The following ISLR2 variants were observed in gnomAD, a reference collection of about 807,000 sequenced individuals.
ISLR2 encodes immunoglobulin superfamily containing leucine rich repeat 2, also known as immunoglobulin superfamily containing leucine-rich repeat protein 2.
A neutral mutation model predicts 25.5 loss-of-function variants in ISLR2; 16 were observed. That is an observed-to-expected ratio of 0.63 (90% CI 0.43 to 0.95). The LOEUF (loss-of-function observed/expected upper bound fraction) is 0.95, where lower values mean the gene tolerates loss of function less well. Ranked by LOEUF, ISLR2 falls within the 40% of genes least tolerant of loss-of-function variation. The pLI is 0.00. For synonymous variants in ISLR2, 508 were observed against 486.6 expected (o/e 1.04, Z -0.58); for missense variants, 883 against 1,030.7 (o/e 0.86, Z 1.96).
At chr15:74,106,938 C>G (rs959914526) in intron 2 of ISLR2, among the ~76,000 whole-genome samples, 2 of 152,138 alleles carry the variant, frequency 1.3e-5, no homozygotes, top group Admixed American at 6.5e-5. Flanking sequence ...CAGCTCCGAA[C>G]TCGTACTAGT....
Position 74,132,688 on chromosome 15 carries a change from A to T in ISLR2, c.-8-59A>T. 1.3e-6 allele frequency: 2 copies of T among 1,548,042 alleles called. No individual in the cohort carries two copies. Among genetic ancestry groups the T allele is most frequent in the Non-Finnish European group, 8.7e-7 (1 of 1,146,398 alleles). ...TTGCGGAGGCACAGCTTGATAGGGG[A>T]GGTAAGCTGGGGTTCAGTGAGTCAC... On this transcript the variant is annotated intron_variant, in intron 2 of 2. Coordinates refer to ENST00000453268, the MANE Select transcript of ISLR2 (RefSeq NM_020851.3). The surrounding 1 kb of genome is among the most constrained non-coding windows in gnomAD (Gnocchi z 4.3).
chr15:74,128,876 C>CCCTTT, upstream of ISLR2: 2 of 389,068 alleles, frequency 5.1e-6, no homozygotes, highest in South Asian at 3.7e-5. Flanking sequence ...CCACCCCCAC[C>CCCTTT]TTGTTCGGCA....
upstream of ISLR2, chr15:74,128,807 G>T (rs1252443395): frequency 3.9e-5 from 16 of 412,812 alleles, no homozygotes; most frequent in Non-Finnish European, 7.1e-5. Context: ...AGGCTCCCAA[G>T]ACCGCCCCCT....
chr15:74,104,498 G>A (rs929489214), intron 2 of ISLR2, among the ~76,000 whole-genome samples: 4 of 152,248 alleles, frequency 2.6e-5, no homozygotes, highest in African/African-American at 7.2e-5. Context: ...GTTAGATTTT[G>A]CAGGGGCTGC....
intron 2 of ISLR2, among the ~76,000 whole-genome samples, chr15:74,109,430 C>T (rs1316686112): frequency 2.6e-5 from 4 of 152,156 alleles, no homozygotes; most frequent in East Asian, 1.9e-4. Context: ...AGAACCGCCA[C>T]GTGGAGCTGT....
chr15:74,123,845 C>T (rs958488395), upstream of ISLR2, among the ~76,000 whole-genome samples: 4 of 152,148 alleles, frequency 2.6e-5, no homozygotes, highest in African/African-American at 9.7e-5. Flanking sequence ...TTTATCCTTT[C>T]AAGAATTCCG....
Position 74,134,804 on chromosome 15 carries a change from G to C in ISLR2, c.2050G>C (p.Gly684Arg). ...GGGCCTTGATGAAGACGCGGAGCAG[G>C]GAGACCCAAGTGGGGACCTGCAGAG... is the stretch of plus-strand genomic sequence containing the variant. The part of the protein sequence containing the change: ...GEGLDEDAEQ[G>R]DPSGDLQREE... Residue 684 changes from glycine to arginine, a missense_variant, in exon 3 of 3, where the codon GGA becomes CGA. This residue lies in a region of ISLR2 where 612 missense variants were observed against 642.8 expected (regional missense o/e 0.95). Transcript: ENST00000453268. 1 of 1,614,130 alleles carries C rather than the reference G, an allele frequency of 6.2e-7. No individual in the cohort carries two copies. Among genetic ancestry groups the C allele is most frequent in the Non-Finnish European group, 8.5e-7 (1 of 1,180,016 alleles).
At chr15:74,106,755 C>T (rs1396856050) in intron 2 of ISLR2, among the ~76,000 whole-genome samples, 1 of 152,108 alleles carries the variant, frequency 6.6e-6, no homozygotes, top group Non-Finnish European at 1.5e-5. Context: ...GGGCCTCCCA[C>T]CTGGGGGCCC....
chr15:74,123,729 G>T (rs2072270793), upstream of ISLR2, among the ~76,000 whole-genome samples: 2 of 152,220 alleles, frequency 1.3e-5, no homozygotes, highest in African/African-American at 2.4e-5. Flanking sequence ...GGACATCTTT[G>T]AGTTCATAAA....
At chr15:74,129,355 C>G, upstream of ISLR2, 1 of 260,126 alleles carries the variant, frequency 3.8e-6, no homozygotes, top group Non-Finnish European at 7.6e-6. The surrounding 1 kb of genome is among the most constrained non-coding windows in gnomAD (Gnocchi z 4.5). Flanking sequence ...CCTCCCCTAG[C>G]TCATTAAGAT....
At position 74,134,861 on chromosome 15, in the gene ISLR2, G is replaced by T; in HGVS notation, c.2107G>T (p.Glu703Ter). 1 of 1,614,162 alleles carries T rather than the reference G, an allele frequency of 6.2e-7. No homozygotes were observed. Among genetic ancestry groups the T allele is most frequent in the Non-Finnish European group, 8.5e-7 (1 of 1,180,024 alleles). Reference protein sequence around the residue: ...EESLAACSLVESQSKANQEEF... With the variant: ...EESLAACSLV ...GAGCCTGGCGGCCTGCTCACTGGTG[G>T]AGTCCCAGTCCAAGGCCAACCAAGA... Residue 703 changes from glutamate to a stop codon, truncating the protein, a stop_gained, in exon 3 of 3, where the codon GAG becomes TAG. Coordinates refer to ENST00000453268, the MANE Select transcript of ISLR2 (RefSeq NM_020851.3). LOFTEE classifies it high-confidence loss of function.
rs767402736 is a variant in ISLR2, at chr15:74,132,713, CCTT to C, written c.-8-30_-8-28del. 8.7e-5 allele frequency: 139 copies of C among 1,591,046 alleles called. No homozygotes were observed. Among genetic ancestry groups the C allele is most frequent in the Non-Finnish European group, 1.1e-4 (127 of 1,166,078 alleles). On this transcript the variant is annotated intron_variant, in intron 2 of 2. Transcript: ENST00000453268. The surrounding 1 kb of genome is among the most constrained non-coding windows in gnomAD (Gnocchi z 4.3). Reference sequence around the variant, plus strand: ...AGGTAAGCTGGGGTTCAGTGAGTCACCTTCTTTCTTCTTCACCTGGCTTCCATC... The same window carrying C: ...AGGTAAGCTGGGGTTCAGTGAGTCACCTTTCTTCTTCACCTGGCTTCCATC...
At position 74,136,774 on chromosome 15, in the gene ISLR2, T is replaced by C; in HGVS notation, c.*1782T>C. ...CCGTGCCCTTTTCTAAACGCGTCTG[T>C]ATGCAGTCAATAAAACAATCGATTT... On this transcript the variant is annotated 3_prime_UTR_variant, in exon 3 of 3. Coordinates refer to ENST00000453268, the MANE Select transcript of ISLR2 (RefSeq NM_020851.3). The C allele has an allele frequency of 6.0e-6, 1 of 167,174 alleles. No homozygotes were observed. The highest frequency in any genetic ancestry group is 1.5e-5 in the Non-Finnish European group (1 of 68,160). The allele number at this position is 167,174 out of a possible 1,614,324, so 10.4% of individuals were successfully genotyped here.
rs544648911 is a variant in ISLR2 at position 74,134,251 on chromosome 15, G to A, written c.1497G>A (p.Arg499=). ...IALDVAEREA[R]VQLTPLAARW... ...TGGATGTGGCGGAGCGCGAGGCGCGGGTGCAGCTGACTCCGCTGGCTGCGC... is the reference window on the plus strand; with the variant it reads ...TGGATGTGGCGGAGCGCGAGGCGCGAGTGCAGCTGACTCCGCTGGCTGCGC... Residue 499 remains arginine, a synonymous_variant, in exon 3 of 3, where the codon CGG becomes CGA. Coordinates refer to ENST00000453268, the MANE Select transcript of ISLR2 (RefSeq NM_020851.3). 1.9e-6 allele frequency: 3 copies of A among 1,577,360 alleles called. No homozygotes were observed. The highest frequency in any genetic ancestry group is 2.6e-6 in the Non-Finnish European group (3 of 1,161,758).
At chr15:74,126,349 T>TTTTTTTTTG (rs1162838207), upstream of ISLR2, 3 of 113,262 alleles carry the variant, frequency 2.6e-5, no homozygotes, top group Admixed American at 8.3e-5. Context: ...GCATAGGTAT[T>TTTTTTTTTG]TTTTTTTTTT....
chr15:74,109,715 A>C (rs990653992), intron 2 of ISLR2, among the ~76,000 whole-genome samples: 6 of 152,196 alleles, frequency 3.9e-5, no homozygotes, highest in Non-Finnish European at 7.3e-5. Flanking sequence ...CTGCATTTCT[A>C]ACAAGTTCTC....
chr15:74,138,057 T>A (rs987218823), downstream of ISLR2, among the ~76,000 whole-genome samples: 3 of 152,184 alleles, frequency 2.0e-5, no homozygotes, highest in Non-Finnish European at 4.4e-5. Context: ...ACATAATGCT[T>A]TGTTCCCTGA....
At chr15:74,137,466 G>A (rs1160182248), downstream of ISLR2, among the ~76,000 whole-genome samples, 3 of 152,192 alleles carry the variant, frequency 2.0e-5, no homozygotes, top group Non-Finnish European at 4.4e-5. Flanking sequence ...ATGCACAACC[G>A]TCAGGGTGTG....
downstream of ISLR2, among the ~76,000 whole-genome samples, chr15:74,141,241 A>G (rs2072609265): frequency 6.6e-6 from 1 of 152,262 alleles, no homozygotes; most frequent in Non-Finnish European, 1.5e-5. Context: ...ATTTTTATCA[A>G]CTGTTTACTG....
Sources: gnomAD v4.1 joint callset for allele counts (sites outside exome capture counted in the v4.1 genomes callset) on GRCh38, gnomAD v4.1.1 for gene constraint, gnomAD v4.1.1 regional missense constraint, Gnocchi (gnomAD v3.1) non-coding constraint, MANE v1.5 for transcripts, NCBI Gene and HGNC (gene_info 2026-07-23, HGNC 2026-07-21) for gene names.